SLC38A3: variants seen among roughly 807,000 people sequenced by gnomAD.
SLC38A3 encodes the protein solute carrier family 38 member 3.
SLC38A3 carries 17 observed loss-of-function variants against 59.5 expected under a neutral mutation model. The observed-to-expected ratio is 0.29, with a 90% CI of 0.20 to 0.43. The LOEUF (loss-of-function observed/expected upper bound fraction) is 0.43, where lower values mean the gene tolerates loss of function less well. SLC38A3 is among the 20% of genes least tolerant of loss of function. The pLI, the probability that SLC38A3 is intolerant of heterozygous loss-of-function variation, is 1.00. For synonymous variants in SLC38A3, 238 were observed against 260.3 expected (o/e 0.91, Z 0.82); for missense variants, 454 against 653.9 (o/e 0.69, Z 3.33).
rs1254737207 is a variant in SLC38A3, at chr3:50,217,597, A to G, written c.691-79A>G. The G allele has an allele frequency of 1.3e-6, 2 of 1,590,734 alleles. No homozygotes were observed. The highest frequency in any genetic ancestry group is 2.2e-5 in the East Asian group (1 of 44,644). On this transcript the variant is annotated intron_variant, in intron 9 of 15. Transcript: ENST00000614032. This position sits in a 1 kb window ranked among gnomAD's most constrained non-coding sequence, Gnocchi z 4.9. ...CCAGAAGGCAGCTCCACCAGTCCTG[A>G]TCTAGATGTGGCTTCATGGTGACTT...
chr3:50,207,259 G>C (rs781451591), intron 1 of SLC38A3: 2 of 152,292 alleles, frequency 1.3e-5, no homozygotes, highest in African/African-American at 4.8e-5. Flanking sequence ...GCCTCACTTG[G>C]AGCAGGTAAG....
Position 50,218,866 on chromosome 3 carries a change from G to A in SLC38A3, c.1224G>A (p.Val408=). Residue 408 remains valine (V), a synonymous_variant, in exon 14 of 16, where the codon GTG becomes GTA. Coordinates refer to ENST00000614032, the MANE Select transcript of SLC38A3 (RefSeq NM_006841.6). The surrounding 1 kb of genome is among the most constrained non-coding windows in gnomAD (Gnocchi z 5.8). ...PNQEFSWLRH[V]LIAVGLLTCI... ...AGGAGTTCAGCTGGCTGCGGCATGT[G>A]CTTATTGCCGTTGGCCTGCTCACTT... is the stretch of plus-strand genomic sequence containing the variant. 6.2e-7 allele frequency: 1 copy of A among 1,613,708 alleles called. No individual in the cohort carries two copies. Among genetic ancestry groups the A allele is most frequent in the Non-Finnish European group, 8.5e-7 (1 of 1,179,660 alleles).
chr3:50,212,802 C>G (rs747860311), intron 1 of SLC38A3, among the ~76,000 whole-genome samples: 4 of 152,176 alleles, frequency 2.6e-5, no homozygotes, highest in Non-Finnish European at 5.9e-5. Context: ...CCCCAGTGCT[C>G]CAGATTCAAG....
chr3:50,216,380 C>T lies in SLC38A3; in HGVS notation c.548+559C>T, dbSNP rs587693158. On this transcript the variant is annotated intron_variant, in intron 7 of 15. Coordinates refer to ENST00000614032, the MANE Select transcript of SLC38A3 (RefSeq NM_006841.6). Reference sequence around the variant, plus strand: ...TCTGCCGCTGGGGCCCTGGGCCTTTCCCAAGGAGTTGGCCTCAGGGCTTGC... The same window carrying T: ...TCTGCCGCTGGGGCCCTGGGCCTTTTCCAAGGAGTTGGCCTCAGGGCTTGC... Among the ~76,000 whole-genome samples, 7 of 152,324 alleles carry T rather than the reference C, an allele frequency of 4.6e-5. No individual in the cohort carries two copies. In the South Asian group the frequency reaches 1.5e-3, roughly 32 times the overall value.
At chr3:50,212,782 C>T (rs9847853) in intron 1 of SLC38A3, among the ~76,000 whole-genome samples, 4,630 of 152,278 alleles carry the variant, frequency 0.03, 227 homozygotes, top group African/African-American at 0.11. Context: ...CTGAGTGCTA[C>T]GTTTGAGTTC....
At chr3:50,213,777 A>G (rs1699769042) in intron 1 of SLC38A3, among the ~76,000 whole-genome samples, 1 of 152,184 alleles carries the variant, frequency 6.6e-6, no homozygotes, top group Non-Finnish European at 1.5e-5. Flanking sequence ...ACATACCCAG[A>G]GTGAAGTCTG....
In SLC38A3 at chr3:50,218,361, A is replaced by G; in HGVS notation, c.1027A>G (p.Thr343Ala). ...YFLAALFGYLTFYNGVESELL... is the reference protein window; with the variant it reads ...YFLAALFGYLAFYNGVESELL... ...CCTGGCTGCCCTCTTCGGCTACCTCACCTTCTACAGTACGGTGGCACCGGT... is the reference window on the plus strand; with the variant it reads ...CCTGGCTGCCCTCTTCGGCTACCTCGCCTTCTACAGTACGGTGGCACCGGT... Residue 343 changes from threonine (T) to alanine (A), a missense_variant, in exon 12 of 16, where the codon ACC (threonine) becomes GCC (alanine). By Grantham distance (58) the Thr-to-Ala change is moderately conservative (BLOSUM62 0). Coordinates refer to ENST00000614032, the MANE Select transcript of SLC38A3 (RefSeq NM_006841.6). The surrounding 1 kb of genome is among the most constrained non-coding windows in gnomAD (Gnocchi z 5.8). The G allele has an allele frequency of 5.6e-6, 9 of 1,608,146 alleles. No individual in the cohort carries two copies. Among genetic ancestry groups the G allele is most frequent in the Non-Finnish European group, 7.7e-6 (9 of 1,174,892 alleles).
At chr3:50,211,531 G>GC (rs56793768) in intron 1 of SLC38A3, among the ~76,000 whole-genome samples, 149,866 of 149,868 alleles carry the variant, frequency 1, 74,932 homozygotes, top group Non-Finnish European at 1. Flanking sequence ...TACTGGCTTC[G>GC]CACCTCCTCC....
chr3:50,207,386 C>T (rs1272867759), intron 1 of SLC38A3: 1 of 152,190 alleles, frequency 6.6e-6, no homozygotes, highest in Non-Finnish European at 1.5e-5. Context: ...ACAATCTCGC[C>T]TCACTGCAAC....
chr3:50,218,548 T>G lies in SLC38A3; in HGVS notation c.1037-45T>G. 1 of 1,599,584 alleles carries G rather than the reference T, an allele frequency of 6.3e-7. No homozygotes were observed. Among genetic ancestry groups the G allele is most frequent in the South Asian group, 1.1e-5 (1 of 90,096 alleles). ...TCCCCTAGGCAGCTCAGATCCCACC[T>G]CCTTCCTGGGGCCACCTACTGACCA... is the stretch of plus-strand genomic sequence containing the variant. On this transcript the variant is annotated intron_variant, in intron 12 of 15. Coordinates refer to ENST00000614032, the MANE Select transcript of SLC38A3 (RefSeq NM_006841.6). This position sits in a 1 kb window ranked among gnomAD's most constrained non-coding sequence, Gnocchi z 5.8.
intron 1 of SLC38A3, among the ~76,000 whole-genome samples, chr3:50,209,866 C>T (rs1175280224): frequency 6.6e-6 from 1 of 152,096 alleles, no homozygotes; most frequent in Non-Finnish European, 1.5e-5. Flanking sequence ...TGGATATGCC[C>T]CCGCCTGCAT....
Position 50,214,755 on chromosome 3 carries a change from A to C in SLC38A3, c.286A>C (p.Ile96Leu). ...GLAYAMANTG[I>L]ILFLFLLTAV... is the part of the protein sequence containing the mutation. Reference sequence around the variant, plus strand: ...CGCCTATGCCATGGCCAATACGGGCATTATCCTTTTCCTGTGAGTGCCCTC... The same window carrying C: ...CGCCTATGCCATGGCCAATACGGGCCTTATCCTTTTCCTGTGAGTGCCCTC... Residue 96 changes from isoleucine (I) to leucine (L), a missense_variant, in exon 4 of 16, where the codon ATT (isoleucine) becomes CTT (leucine). Transcript: ENST00000614032. This position sits in a 1 kb window ranked among gnomAD's most constrained non-coding sequence, Gnocchi z 6.0. 3.1e-6 allele frequency: 5 copies of C among 1,609,922 alleles called. No individual in the cohort carries two copies. Among genetic ancestry groups the C allele is most frequent in the Non-Finnish European group, 4.2e-6 (5 of 1,177,150 alleles).
rs780283633 is a variant in SLC38A3 at position 50,218,587 on chromosome 3, C to A, written c.1037-6C>A. 1.9e-6 allele frequency: 3 copies of A among 1,611,434 alleles called. No individual in the cohort carries two copies. Among genetic ancestry groups the A allele is most frequent in the Non-Finnish European group, 2.5e-6 (3 of 1,178,698 alleles). On this transcript the variant is annotated splice_polypyrimidine_tract_variant and splice_region_variant and intron_variant, in intron 12 of 15. Transcript: ENST00000614032. The surrounding 1 kb of genome is among the most constrained non-coding windows in gnomAD (Gnocchi z 5.8). The stretch of plus-strand genomic sequence containing the variant: ...ACCTACTGACCACCCTCCCTGCCTG[C>A]CACAGACGGGGTGGAGTCGGAGCTG...
At chr3:50,208,420 G>A (rs1204076965) in intron 1 of SLC38A3, among the ~76,000 whole-genome samples, 1 of 152,052 alleles carries the variant, frequency 6.6e-6, no homozygotes, top group Non-Finnish European at 1.5e-5. Flanking sequence ...CTGCCACCAT[G>A]CCTGGATAAT....
In SLC38A3 at chr3:50,217,406, A is replaced by C; in HGVS notation, c.632-9A>C. On this transcript the variant is annotated splice_polypyrimidine_tract_variant and intron_variant, in intron 8 of 15. Coordinates refer to ENST00000614032, the MANE Select transcript of SLC38A3 (RefSeq NM_006841.6). This position sits in a 1 kb window ranked among gnomAD's most constrained non-coding sequence, Gnocchi z 4.9. ...CCCCAGGTCTCAGAGTGCTCCCTCCACTTTGCAGGCTACCTGGGCTACTCC... is the reference window on the plus strand; with the variant it reads ...CCCCAGGTCTCAGAGTGCTCCCTCCCCTTTGCAGGCTACCTGGGCTACTCC... The C allele has an allele frequency of 1.9e-6, 3 of 1,613,114 alleles. No homozygotes were observed. Among genetic ancestry groups the C allele is most frequent in the Non-Finnish European group, 1.7e-6 (2 of 1,179,510 alleles).
In SLC38A3 at chr3:50,214,555, C is replaced by A; in HGVS notation, c.183+72C>A. On this transcript the variant is annotated intron_variant, in intron 3 of 15. Transcript: ENST00000614032. The surrounding 1 kb of genome is among the most constrained non-coding windows in gnomAD (Gnocchi z 6.0). Reference sequence around the variant, plus strand: ...GATGCAGTAATGAGGTGGTCTCTGGCAGCAGTGGGAGGCTGAGGGACAGTC... The same window carrying A: ...GATGCAGTAATGAGGTGGTCTCTGGAAGCAGTGGGAGGCTGAGGGACAGTC... 2 of 1,481,900 alleles carry A rather than the reference C, an allele frequency of 1.3e-6. No homozygotes were observed. Among genetic ancestry groups the A allele is most frequent in the Non-Finnish European group, 1.8e-6 (2 of 1,081,862 alleles). The allele number at this position is 1,481,900 out of a possible 1,614,324, so 91.8% of individuals were successfully genotyped here.
Position 50,214,841 on chromosome 3 carries a change from G to T in SLC38A3, c.299+73G>T, listed in dbSNP as rs1359703362. ...CACCAATCATGACCTCCCAGGACCC[G>T]CCAGTTCCCTGTCCCAGCATCCAGG... On this transcript the variant is annotated intron_variant, in intron 4 of 15. Coordinates refer to ENST00000614032, the MANE Select transcript of SLC38A3 (RefSeq NM_006841.6). The surrounding 1 kb of genome is among the most constrained non-coding windows in gnomAD (Gnocchi z 6.0). The T allele has an allele frequency of 2.1e-6, 2 of 958,226 alleles. No homozygotes were observed. Among genetic ancestry groups the T allele is most frequent in the Admixed American group, 2.2e-5 (1 of 44,752 alleles). The allele number at this position is 958,226 out of a possible 1,614,324, so 59.4% of individuals were successfully genotyped here. A position where few individuals can be genotyped will look rare whatever the true frequency, so the allele number is the denominator to read the frequency against.
intron 1 of SLC38A3, among the ~76,000 whole-genome samples, chr3:50,210,828 G>C (rs1389029063): frequency 6.6e-6 from 1 of 152,068 alleles, no homozygotes; most frequent in African/African-American, 2.4e-5. Context: ...TTTACTGCCC[G>C]GGTTCACACT....
chr3:50,220,628 T>G lies in SLC38A3; in HGVS notation c.*451T>G. ...CCAGCCCACTTGTTTTCCCCCCTTT[T>G]ATTCCCTAGGCCCTTTTCAGACTCC... On this transcript the variant is annotated 3_prime_UTR_variant, in exon 16 of 16. Coordinates refer to ENST00000614032, the MANE Select transcript of SLC38A3 (RefSeq NM_006841.6). 5.0e-6 allele frequency: 1 copy of G among 200,520 alleles called. No individual in the cohort carries two copies. The highest frequency in any genetic ancestry group is 1.0e-5 in the Non-Finnish European group (1 of 96,272). The allele number at this position is 200,520 out of a possible 1,614,324, so 12.4% of individuals were successfully genotyped here.
Sources: gnomAD v4.1 joint callset for allele counts (sites outside exome capture counted in the v4.1 genomes callset) on GRCh38, gnomAD v4.1.1 for gene constraint, Gnocchi (gnomAD v3.1) non-coding constraint, MANE v1.5 for transcripts, NCBI Gene and HGNC (gene_info 2026-07-23, HGNC 2026-07-21) for gene names.